The following UNC45A variants were observed in gnomAD, a reference collection of about 807,000 sequenced individuals.
UNC45A encodes the protein unc-45 myosin chaperone A, also known as protein unc-45 homolog A.
Under a neutral mutation model 103.2 loss-of-function variants are expected in UNC45A, and 78 were observed. The observed-to-expected ratio is 0.76, with a 90% CI of 0.63 to 0.91. The LOEUF (loss-of-function observed/expected upper bound fraction) is 0.91, where lower values mean the gene tolerates loss of function less well. UNC45A is among the 40% of genes least tolerant of loss of function. UNC45A has a pLI of 0.00. For synonymous variants in UNC45A, 495 were observed against 504.6 expected, an observed-to-expected ratio of 0.98 and a Z score of 0.25; for missense variants, 1,193 against 1,224.8, an observed-to-expected ratio of 0.97 and a Z score of 0.39.
At chr15:90,948,590 C>G in intron 12 of UNC45A, 64 bp from the exon 13 acceptor site, 1 of 1,581,920 alleles carries the variant, frequency 6.3e-7, no homozygotes. Flanking sequence ...TGGGCCTGGG[C>G]AGCATTTATC....
chr15:90,944,766 G>T (rs1333832973), intron 8 of UNC45A, 126 bp from the exon 9 acceptor site: 33 of 1,162,118 alleles, frequency 2.8e-5, no homozygotes, highest in Middle Eastern at 3.0e-4. Flanking sequence ...GGCTGCCCTG[G>T]ACACAGTTGT....
At chr15:90,932,577 A>T (rs948683462), upstream of UNC45A, 15 of 1,199,936 alleles carry the variant, frequency 1.3e-5, no homozygotes, top group Non-Finnish European at 1.6e-5. Context: ...CCGCAGGGGC[A>T]GGGACGGAAC....
At chr15:90,931,017 A>G, upstream of UNC45A, 2 of 460,170 alleles carry the variant, frequency 4.3e-6, no homozygotes, top group Non-Finnish European at 7.9e-6. Flanking sequence ...CCCACCATGC[A>G]AAATAGCAAA....
upstream of UNC45A, chr15:90,935,275 G>GC (rs942805747): frequency 2.6e-5 from 41 of 1,555,290 alleles, no homozygotes; most frequent in East Asian, 9.5e-5. Context: ...ACCCAGACTC[G>GC]CCCCGCCCCA....
intron 4 of UNC45A, among the ~76,000 whole-genome samples, chr15:90,936,759 G>C (rs995303031): frequency 1.3e-5 from 2 of 152,192 alleles, no homozygotes; most frequent in Admixed American, 6.5e-5. Flanking sequence ...CTCTTTTCGA[G>C]AGTACTTTAG....
rs2036440322 is a variant in UNC45A at position 90,944,123 on chromosome 15, A to T, written c.1028-769A>T. On this transcript the variant is annotated intron_variant, in intron 8 of 19. Transcript: ENST00000418476. Reference sequence around the variant, plus strand: ...AAATAAGAGCTGGGCGTGGTGCCTCACGCCTATAATCCCAGCACTTTGGGA... The same window carrying T: ...AAATAAGAGCTGGGCGTGGTGCCTCTCGCCTATAATCCCAGCACTTTGGGA... Among the ~76,000 whole-genome samples, 3 of 149,518 alleles carry T rather than the reference A, an allele frequency of 2.0e-5. No individual in the cohort carries two copies. The Admixed American group carries it at 2.0e-4, about 10-fold the overall frequency.
At position 90,935,370 on chromosome 15, in the gene UNC45A, C is replaced by A; in HGVS notation, c.46C>A (p.Pro16Thr). The change falls in exon 1 of 20, where the codon CCC (proline) becomes ACC (threonine). Residue 16 changes from proline (P) to threonine (T), a missense_variant. Coordinates refer to ENST00000418476, the MANE Select transcript of UNC45A (RefSeq NM_018671.5). ...PGTPEPRPAT[P>T]GASSVEQLRK... ...GACCCCCGAGCCCCGGCCGGCCACC[C>A]CCGGGGTGCGTACCCAACCCCCGCG... 6.3e-7 allele frequency: 1 copy of A among 1,599,078 alleles called. No individual in the cohort carries two copies. Among genetic ancestry groups the A allele is most frequent in the Non-Finnish European group, 8.5e-7 (1 of 1,173,400 alleles).
chr15:90,950,008 A>G, intron 15 of UNC45A, 146 bp from the exon 16 acceptor site: 1 of 748,524 alleles, frequency 1.3e-6, no homozygotes, highest in Non-Finnish European at 2.2e-6. Flanking sequence ...TGTTTCAGGA[A>G]GTGTTTGGAT....
chr15:90,950,653 TC>T (rs781624945), intron 17 of UNC45A, 38 bp downstream of exon 17: 14 of 1,597,490 alleles, frequency 8.8e-6, no homozygotes, highest in South Asian at 7.8e-5. Context: ...GGACCAGGCA[TC>T]GGGATTCGGA....
intron 3 of UNC45A, 46 bp from the exon 4 acceptor site, chr15:90,936,239 A>C (rs1204793344): frequency 6.3e-7 from 1 of 1,579,444 alleles, no homozygotes; most frequent in African/African-American, 1.4e-5. Context: ...TCTTGCCTGG[A>C]GACAGTGGCC....
At chr15:90,949,033 T>C (rs569061821) in intron 13 of UNC45A, among the ~76,000 whole-genome samples, 2 of 152,108 alleles carry the variant, frequency 1.3e-5, no homozygotes, top group South Asian at 4.2e-4. Context: ...CCCGCCACCA[T>C]GCCTGGCTAA....
Position 90,953,771 on chromosome 15 carries a change from G to T in UNC45A, c.*55G>T. ...CACACGCTACCTATTGTGGCACGGA[G>T]AGTAAGGACGGAAGCAGCTTTGGCT... On this transcript the variant is annotated 3_prime_UTR_variant, in exon 20 of 20. Transcript: ENST00000418476. The T allele has an allele frequency of 6.3e-7, 1 of 1,578,150 alleles. No individual in the cohort carries two copies. Among genetic ancestry groups the T allele is most frequent in the Non-Finnish European group, 8.6e-7 (1 of 1,159,508 alleles).
Position 90,948,792 on chromosome 15 carries a change from A to G in UNC45A, c.1876A>G (p.Lys626Glu). The change falls in exon 13 of 20, where the codon AAG (lysine) becomes GAG (glutamate). Residue 626 changes from lysine (K) to glutamate (E), a missense_variant and splice_region_variant. By Grantham distance (56) the Lys-to-Glu change is moderately conservative. Transcript: ENST00000418476. ...GCAGCATGTGCCCGAGCAGCACCCC[A>G]AGGTGAGGGGCCGCCAGAGGGGCTA... is the stretch of plus-strand genomic sequence containing the variant. ...AKQHVPEQHP[K>E]DKPSFVRARV... The G allele has an allele frequency of 6.2e-7, 1 of 1,602,790 alleles. No homozygotes were observed.
At chr15:90,935,269 A>C, upstream of UNC45A, 1 of 1,537,164 alleles carries the variant, frequency 6.5e-7, no homozygotes, top group Non-Finnish European at 8.8e-7. Context: ...TCCCGAACCC[A>C]GACTCGCCCC....
At chr15:90,949,856 T>TCTCA in intron 15 of UNC45A, 136 bp downstream of exon 15, 1 of 970,354 alleles carries the variant, frequency 1.0e-6, no homozygotes, top group Non-Finnish European at 1.6e-6. Flanking sequence ...ACCGTCCCGC[T>TCTCA]GAGAGAGTGA....
At chr15:90,944,016 G>C (rs1378875163) in intron 8 of UNC45A, among the ~76,000 whole-genome samples, 20 of 33,054 alleles carry the variant, frequency 6.1e-4, no homozygotes, top group African/African-American at 2.8e-3. Flanking sequence ...TTTTTTGTTT[G>C]AGTGAGCATG....
chr15:90,940,609 A>G, intron 6 of UNC45A, 136 bp downstream of exon 6: 1 of 1,140,470 alleles, frequency 8.8e-7, no homozygotes, highest in Non-Finnish European at 1.2e-6. Flanking sequence ...TCTACCCCTT[A>G]CCTTATTCTA....
chr15:90,949,853 C>T (rs60032702), intron 15 of UNC45A, 133 bp downstream of exon 15: 37 of 995,128 alleles, frequency 3.7e-5, no homozygotes, highest in Admixed American at 8.2e-5. Context: ...AACACCGTCC[C>T]GCTGAGAGAG....
rs753490003 is a variant in UNC45A at position 90,946,882 on chromosome 15, G to A, written c.1468G>A (p.Glu490Lys). ...GCTGAAGGACCTATATAAGTGCAGC[G>A]AGAAGGACAGCATCCGCATCCGGGC... Reference protein sequence around the residue: ...SLLKDLYKCSEKDSIRIRALV... With the variant: ...SLLKDLYKCSKKDSIRIRALV... The change falls in exon 10 of 20, where the codon GAG becomes AAG. Residue 490 changes from glutamate (E) to lysine (K), a missense_variant. Coordinates refer to ENST00000418476, the MANE Select transcript of UNC45A (RefSeq NM_018671.5). The A allele has an allele frequency of 1.1e-5, 16 of 1,504,496 alleles. No individual in the cohort carries two copies. Among genetic ancestry groups the A allele is most frequent in the Non-Finnish European group, 1.3e-5 (14 of 1,109,946 alleles). The allele number at this position is 1,504,496 out of a possible 1,614,324, so 93.2% of individuals were successfully genotyped here.
Sources: gnomAD v4.1 joint callset for allele counts (sites outside exome capture counted in the v4.1 genomes callset) on GRCh38, gnomAD v4.1.1 for gene constraint, MANE v1.5 for transcripts, NCBI Gene and HGNC (gene_info 2026-07-23, HGNC 2026-07-21) for gene names.